The following MALRD1 variants were observed in gnomAD, a reference collection of about 807,000 sequenced individuals.
The protein encoded by MALRD1 is MAM and LDL receptor class A domain containing 1.
MALRD1 carries 247 observed loss-of-function variants against 242.1 expected under a neutral mutation model. That is an observed-to-expected ratio of 1.02 (90% CI 0.92 to 1.13). The LOEUF (loss-of-function observed/expected upper bound fraction) is 1.13, where lower values mean the gene tolerates loss of function less well. Among genes scored for constraint, MALRD1 ranks in the 50% most tolerant of loss-of-function variants. The pLI, the probability that MALRD1 is intolerant of heterozygous loss-of-function variation, is 0.00. For missense variants in MALRD1, 2,989 were observed against 2,533.1 expected (o/e 1.18, Z -3.86); for synonymous variants, 995 against 866.6 (o/e 1.15, Z -2.60).
chr10:19,619,054 C>T (rs377565108), intron 36 of MALRD1, among the ~76,000 whole-genome samples: 12 of 152,072 alleles, frequency 7.9e-5, no homozygotes, highest in Admixed American at 3.3e-4. Flanking sequence ...ACTGACACGA[C>T]GCCAGATCTC....
At chr10:19,366,337 G>A (rs1195036347) in intron 26 of MALRD1, among the ~76,000 whole-genome samples, 2 of 151,984 alleles carry the variant, frequency 1.3e-5, no homozygotes, top group Admixed American at 6.6e-5. Context: ...TAGGGTTTGC[G>A]CTCCTATGAG....
chr10:19,445,362 C>G (rs1195624073), intron 28 of MALRD1, among the ~76,000 whole-genome samples: 1 of 152,166 alleles, frequency 6.6e-6, no homozygotes, highest in Admixed American at 6.6e-5. Context: ...TGACTAGGAG[C>G]TGCGTTCCTT....
chr10:19,725,399 T>C (rs1456209269), intron 38 of MALRD1, among the ~76,000 whole-genome samples: 5 of 152,088 alleles, frequency 3.3e-5, no homozygotes, highest in Non-Finnish European at 7.4e-5. Flanking sequence ...CATATTTGCT[T>C]CCCCTTCTGC....
intron 36 of MALRD1, among the ~76,000 whole-genome samples, chr10:19,667,078 A>G (rs1266152302): frequency 6.6e-6 from 1 of 152,116 alleles, no homozygotes; most frequent in African/African-American, 2.4e-5. Context: ...TTGATATCCA[A>G]ACTCCAGCTG....
chr10:19,338,662 G>A (rs896681461), intron 24 of MALRD1, among the ~76,000 whole-genome samples: 51 of 150,460 alleles, frequency 3.4e-4, no homozygotes, highest in African/African-American at 1.1e-3. Flanking sequence ...TACATGAGAT[G>A]TTTGAATACA....
chr10:19,578,454 G>A lies in MALRD1; in HGVS notation c.5680+10751G>A, dbSNP rs201705474. The stretch of plus-strand genomic sequence containing the variant: ...TGCCTGTAATTCCAGCACTTTGGAA[G>A]GCTGAGGCAGATGTAACACCTGAGG... On this transcript the variant is annotated intron_variant, in intron 33 of 39. Coordinates refer to ENST00000454679, the MANE Select transcript of MALRD1 (RefSeq NM_001142308.3). 8.5e-5 allele frequency among the ~76,000 whole-genome samples: 13 copies of A among 152,190 alleles called. No individual in the cohort carries two copies. In the East Asian group the frequency reaches 2.3e-3, roughly 27 times the overall value.
intron 29 of MALRD1, among the ~76,000 whole-genome samples, chr10:19,462,036 A>T (rs1014470453): frequency 1.3e-5 from 2 of 152,166 alleles, no homozygotes; most frequent in Non-Finnish European, 1.5e-5. Flanking sequence ...AGACGGCAGG[A>T]TACATTAGAC....
chr10:19,050,144 G>A (rs1412773223), intron 1 of MALRD1, among the ~76,000 whole-genome samples: 3 of 135,372 alleles, frequency 2.2e-5, no homozygotes, highest in African/African-American at 5.6e-5. Context: ...CTGGAGTGCA[G>A]TGGCGGGATC....
intron 36 of MALRD1, among the ~76,000 whole-genome samples, chr10:19,660,618 T>C (rs1356954551): frequency 1.3e-5 from 2 of 152,198 alleles, no homozygotes; most frequent in Non-Finnish European, 2.9e-5. Context: ...TGACTTGACT[T>C]GCTTTTGAGA....
intron 29 of MALRD1, chr10:19,489,459 G>T: frequency 3.4e-6 from 2 of 582,640 alleles, no homozygotes; most frequent in Non-Finnish European, 6.4e-6. Context: ...ACAATCCAGG[G>T]GAATATTTTT....
chr10:19,316,596 G>A (rs970831533), intron 21 of MALRD1, among the ~76,000 whole-genome samples: 13 of 151,822 alleles, frequency 8.6e-5, no homozygotes, highest in African/African-American at 1.5e-4. Context: ...TCACACAATG[G>A]GGTTGGTAGT....
intron 32 of MALRD1, among the ~76,000 whole-genome samples, chr10:19,560,511 A>C (rs976167045): frequency 1.3e-5 from 2 of 152,164 alleles, no homozygotes; most frequent in African/African-American, 4.8e-5. Context: ...ACACATGCAC[A>C]TGTATGTTTA....
intron 18 of MALRD1, among the ~76,000 whole-genome samples, chr10:19,241,994 ATGTT>A (rs1838804292): frequency 6.6e-6 from 1 of 152,076 alleles, no homozygotes; most frequent in African/African-American, 2.4e-5. Flanking sequence ...GTCCTAGAGA[ATGTT>A]TGGTGTACAG....
At chr10:19,314,157 A>G (rs1229172835) in intron 21 of MALRD1, among the ~76,000 whole-genome samples, 1 of 151,556 alleles carries the variant, frequency 6.6e-6, no homozygotes, top group African/African-American at 2.4e-5. Flanking sequence ...TATAATAAAG[A>G]AGTTAAAAAT....
At chr10:19,230,727 A>G (rs1187013457) in intron 18 of MALRD1, among the ~76,000 whole-genome samples, 1 of 152,186 alleles carries the variant, frequency 6.6e-6, no homozygotes, top group South Asian at 2.1e-4. Flanking sequence ...TCCCTCCTCT[A>G]TGCTGTGCTA....
rs187278048 is a variant in MALRD1, at chr10:19,466,781, T to C, written c.5029+16291T>C. On this transcript the variant is annotated intron_variant, in intron 29 of 39. Coordinates refer to ENST00000454679, the MANE Select transcript of MALRD1 (RefSeq NM_001142308.3). The stretch of plus-strand genomic sequence containing the variant: ...ATGGGGTCCAGATCCAAACACAAAA[T>C]TCACTTATGTTTCATATACATCTAT... 4.5e-3 allele frequency among the ~76,000 whole-genome samples: 686 copies of C among 152,194 alleles called. 2 individuals are homozygous for C. Among genetic ancestry groups the C allele is most frequent in the Non-Finnish European group, 6.7e-3 (454 of 68,006 alleles).
intron 38 of MALRD1, among the ~76,000 whole-genome samples, chr10:19,706,325 A>T (rs1833863106): frequency 6.6e-6 from 1 of 152,040 alleles, no homozygotes; most frequent in African/African-American, 2.4e-5. Context: ...CATTTATTTT[A>T]TTTTATTTGA....
intron 36 of MALRD1, among the ~76,000 whole-genome samples, chr10:19,684,705 T>C (rs989994263): frequency 1.2e-4 from 19 of 152,310 alleles, no homozygotes; most frequent in Admixed American, 1.1e-3. Context: ...TGAGCCAAGA[T>C]TGTGCCATTG....
At chr10:19,313,352 G>A (rs917510285) in intron 21 of MALRD1, among the ~76,000 whole-genome samples, 18 of 151,136 alleles carry the variant, frequency 1.2e-4, no homozygotes, top group Middle Eastern at 3.4e-3. Flanking sequence ...CTTAAAAGCC[G>A]CCTCCTAACT....
Sources: gnomAD v4.1 joint callset for allele counts (sites outside exome capture counted in the v4.1 genomes callset) on GRCh38, gnomAD v4.1.1 for gene constraint, MANE v1.5 for transcripts, NCBI Gene and HGNC (gene_info 2026-07-23, HGNC 2026-07-21) for gene names.